The following ATG10 variants were observed in gnomAD, a reference collection of about 807,000 sequenced individuals.
The protein encoded by ATG10 is ubiquitin-like-conjugating enzyme ATG10.
In ATG10, 30 loss-of-function variants were observed where a neutral mutation model predicts 32.1. That is an observed-to-expected ratio of 0.94 (90% CI 0.70 to 1.27). The LOEUF (loss-of-function observed/expected upper bound fraction) is 1.27. ATG10 is among the 50% of genes most tolerant of loss of function. The pLI is 0.00. For missense variants in ATG10, 233 were observed against 262.3 expected, an observed-to-expected ratio of 0.89 and a Z score of 0.77; for synonymous variants, 87 against 91.5, an observed-to-expected ratio of 0.95 and a Z score of 0.28.
intron 2 of ATG10, among the ~76,000 whole-genome samples, chr5:82,005,718 A>G (rs1328100708): frequency 6.6e-6 from 1 of 152,204 alleles, no homozygotes; most frequent in Non-Finnish European, 1.5e-5. Context: ...TCCACCTTTC[A>G]TAAGTGATTG....
At chr5:82,121,027 G>T (rs979641880) in intron 3 of ATG10, among the ~76,000 whole-genome samples, 3 of 152,140 alleles carry the variant, frequency 2.0e-5, no homozygotes, top group African/African-American at 4.8e-5. Flanking sequence ...ACTATATTCA[G>T]TAATATGGGA....
chr5:82,137,846 C>T (rs1766830378), intron 3 of ATG10, among the ~76,000 whole-genome samples: 1 of 152,178 alleles, frequency 6.6e-6, no homozygotes, highest in South Asian at 2.1e-4. Context: ...TGTTCTGTCC[C>T]AGAGAGATGG....
chr5:82,233,084 G>A (rs1726759929), intron 5 of ATG10, among the ~76,000 whole-genome samples: 1 of 152,136 alleles, frequency 6.6e-6, no homozygotes, highest in African/African-American at 2.4e-5. Flanking sequence ...AAGAATTAGG[G>A]CTGATGTCTT....
At chr5:82,039,592 C>T (rs538314013) in intron 2 of ATG10, among the ~76,000 whole-genome samples, 4 of 152,132 alleles carry the variant, frequency 2.6e-5, no homozygotes, top group East Asian at 1.9e-4. Context: ...AGGGGAAATA[C>T]GCATTAGGAA....
intron 3 of ATG10, among the ~76,000 whole-genome samples, chr5:82,118,555 G>A (rs752531206): frequency 1.8e-4 from 27 of 151,256 alleles, no homozygotes; most frequent in Non-Finnish European, 2.4e-4. Context: ...AATACCCTTA[G>A]CTAAGACATG....
At chr5:82,225,418 A>C (rs966777660) in intron 5 of ATG10, among the ~76,000 whole-genome samples, 6 of 152,162 alleles carry the variant, frequency 3.9e-5, no homozygotes, top group Non-Finnish European at 7.4e-5. Context: ...AATTAACCCC[A>C]CCCAGCTGTT....
At chr5:82,248,211 T>C (rs1747109442) in intron 5 of ATG10, among the ~76,000 whole-genome samples, 1 of 152,220 alleles carries the variant, frequency 6.6e-6, no homozygotes, top group African/African-American at 2.4e-5. Context: ...TTCCAGAATG[T>C]CCCCATTAAA....
At chr5:82,195,132 G>A (rs1744802561) in intron 5 of ATG10, among the ~76,000 whole-genome samples, 1 of 152,092 alleles carries the variant, frequency 6.6e-6, no homozygotes, top group Non-Finnish European at 1.5e-5. Context: ...CATGAACTTG[G>A]TATTTGAGAG....
intron 3 of ATG10, among the ~76,000 whole-genome samples, chr5:82,144,767 G>T (rs1012211726): frequency 2.0e-5 from 3 of 151,956 alleles, no homozygotes; most frequent in Non-Finnish European, 4.4e-5. Context: ...TACTTGAAAA[G>T]AATTAATATT....
chr5:82,054,683 T>C (rs1259680087), intron 2 of ATG10, among the ~76,000 whole-genome samples: 1 of 152,194 alleles, frequency 6.6e-6, no homozygotes, highest in African/African-American at 2.4e-5. Context: ...TTGGATAAAC[T>C]TGAAGGTTCC....
intron 3 of ATG10, among the ~76,000 whole-genome samples, chr5:82,115,546 A>G (rs891448413): frequency 2.6e-5 from 4 of 152,038 alleles, no homozygotes; most frequent in African/African-American, 9.7e-5. Flanking sequence ...TCGCCTTTTG[A>G]CCAGATTCAT....
intron 3 of ATG10, among the ~76,000 whole-genome samples, chr5:82,153,709 G>T (rs917034505): frequency 1.3e-5 from 2 of 151,936 alleles, no homozygotes; most frequent in African/African-American, 4.8e-5. Flanking sequence ...TAGATTTGGA[G>T]GTAAAATTTT....
At chr5:82,015,649 A>C (rs1266611880) in intron 2 of ATG10, among the ~76,000 whole-genome samples, 1 of 152,188 alleles carries the variant, frequency 6.6e-6, no homozygotes, top group Non-Finnish European at 1.5e-5. Context: ...TTCATCATAT[A>C]GTTCTCATGC....
intron 3 of ATG10, among the ~76,000 whole-genome samples, chr5:82,074,844 A>C (rs1764225708): frequency 6.6e-6 from 1 of 152,204 alleles, no homozygotes; most frequent in Non-Finnish European, 1.5e-5. Context: ...AGTCAGGAGA[A>C]AGGACCTGGC....
intron 3 of ATG10, among the ~76,000 whole-genome samples, chr5:82,137,550 A>G (rs1766815230): frequency 6.6e-6 from 1 of 152,196 alleles, no homozygotes; most frequent in Non-Finnish European, 1.5e-5. Context: ...CGGAGGCTGC[A>G]GAACAGCAAA....
chr5:82,237,962 T>C (rs150292205), intron 5 of ATG10, among the ~76,000 whole-genome samples: 1 of 152,294 alleles, frequency 6.6e-6, no homozygotes, highest in East Asian at 1.9e-4. Context: ...ATTGAAGCCA[T>C]ACAGCAAGCA....
chr5:82,063,234 G>A (rs1474261411), intron 3 of ATG10, among the ~76,000 whole-genome samples: 2 of 152,114 alleles, frequency 1.3e-5, no homozygotes, highest in African/African-American at 2.4e-5. Flanking sequence ...CAGACGGATT[G>A]CATAAGCCTG....
intron 2 of ATG10, among the ~76,000 whole-genome samples, chr5:81,997,983 C>T (rs1761718473): frequency 6.6e-6 from 1 of 152,198 alleles, no homozygotes; most frequent in South Asian, 2.1e-4. Flanking sequence ...ATCGTCCATG[C>T]AAATTTCTCC....
chr5:82,245,677 TTG>T (rs2150024575), intron 5 of ATG10, among the ~76,000 whole-genome samples: 1 of 152,316 alleles, frequency 6.6e-6, no homozygotes, highest in South Asian at 2.1e-4. Flanking sequence ...TAAAGGAAAC[TTG>T]TTATTTTTCT....
Sources: gnomAD v4.1 joint callset for allele counts (sites outside exome capture counted in the v4.1 genomes callset) on GRCh38, gnomAD v4.1.1 for gene constraint, MANE v1.5 for transcripts, NCBI Gene and HGNC (gene_info 2026-07-23, HGNC 2026-07-21) for gene names.